Variants in CCDC102B observed in about 807,000 individuals in gnomAD.
CCDC102B encodes coiled-coil domain containing 102B.
In CCDC102B, 75 loss-of-function variants were observed where a neutral mutation model predicts 57.4. The ratio of observed to expected loss-of-function variants is 1.31; its 90% CI spans 1.08 to 1.58. The LOEUF is 1.58. Ranked by LOEUF, CCDC102B falls within the 40% of genes most tolerant of loss-of-function variation. CCDC102B has a pLI of 0.00. For missense variants in CCDC102B, 636 were observed against 582.6 expected (o/e 1.09, Z -0.94); for synonymous variants, 206 against 201.9 (o/e 1.02, Z -0.17).
At chr18:68,769,672 G>A (rs531918551) in intron 2 of CCDC102B, among the ~76,000 whole-genome samples, 1 of 152,064 alleles carries the variant, frequency 6.6e-6, no homozygotes, top group East Asian at 1.9e-4. Flanking sequence ...CAAGAAGACT[G>A]TGAGTAGTAA....
chr18:68,837,854 C>G (rs767235005), intron 2 of CCDC102B, among the ~76,000 whole-genome samples: 1 of 152,294 alleles, frequency 6.6e-6, no homozygotes, highest in Non-Finnish European at 1.5e-5. Context: ...TTTCCGTGAA[C>G]AACACATCTT....
chr18:69,052,235 A>G (rs1310547377), intron 7 of CCDC102B, among the ~76,000 whole-genome samples: 1 of 152,044 alleles, frequency 6.6e-6, no homozygotes, highest in Admixed American at 6.6e-5. Flanking sequence ...AATAAAAAAT[A>G]TAAAGAGACA....
Position 68,925,930 on chromosome 18 carries a change from A to G in CCDC102B, c.1263+28502A>G, listed in dbSNP as rs532083946. Among the ~76,000 whole-genome samples the G allele has an allele frequency of 8.5e-5, 13 of 152,054 alleles. No individual in the cohort carries two copies. The East Asian group carries it at 2.3e-3, about 27-fold the overall frequency. On this transcript the variant is annotated intron_variant, in intron 6 of 7. Transcript: ENST00000360242. Reference sequence around the variant, plus strand: ...CATTTTTTAAAGAAAACAATAAAACAACCTCTTACTTGACACTTTTGTTTT... The same window carrying G: ...CATTTTTTAAAGAAAACAATAAAACGACCTCTTACTTGACACTTTTGTTTT...
intron 6 of CCDC102B, among the ~76,000 whole-genome samples, chr18:68,996,252 T>C (rs546272765): frequency 6.6e-6 from 1 of 151,992 alleles, no homozygotes; most frequent in East Asian, 1.9e-4. Context: ...ACTGGCTGAG[T>C]CTTCTGGCCT....
intron 2 of CCDC102B, among the ~76,000 whole-genome samples, chr18:68,771,406 A>G: frequency 6.6e-6 from 1 of 152,228 alleles, no homozygotes; most frequent in East Asian, 1.9e-4. Context: ...TAAAATCATC[A>G]GGGACGTAGT....
chr18:69,024,031 A>G (rs1024533268), intron 7 of CCDC102B, among the ~76,000 whole-genome samples: 4 of 152,040 alleles, frequency 2.6e-5, no homozygotes, highest in Non-Finnish European at 5.9e-5. Context: ...AAAATAGAGG[A>G]CATTTTATTG....
At chr18:68,740,931 ATTG>A (rs1460360000) in intron 2 of CCDC102B, among the ~76,000 whole-genome samples, 1 of 152,160 alleles carries the variant, frequency 6.6e-6, no homozygotes, top group Non-Finnish European at 1.5e-5. Context: ...AGGGAAGAAA[ATTG>A]TTATTTCTTG....
At chr18:69,022,222 T>TATATAAAA (rs1395799223) in intron 7 of CCDC102B, among the ~76,000 whole-genome samples, 152 of 94,994 alleles carry the variant, frequency 1.6e-3, no homozygotes, top group South Asian at 9.4e-3. Flanking sequence ...TATATATATA[T>TATATAAAA]AACACACACA....
In CCDC102B at chr18:68,835,821, G is replaced by A. The variant is rs8086403; in HGVS notation, c.-15-928G>A. On this transcript the variant is annotated intron_variant, in intron 1 of 7. Coordinates refer to ENST00000360242, the MANE Select transcript of CCDC102B (RefSeq NM_024781.3). The stretch of plus-strand genomic sequence containing the variant: ...CTTATTCAAACACACGGAAGGCAGA[G>A]GAAAGAGAGTTCCTCATTGTGATGT... Among the ~76,000 whole-genome samples, 521 of 152,272 alleles carry A rather than the reference G, an allele frequency of 3.4e-3. 1 individual carries two copies. Among genetic ancestry groups the A allele is most frequent in the African/African-American group, 0.012 (508 of 41,544 alleles).
chr18:68,823,765 G>A (rs1448612726), intron 1 of CCDC102B, among the ~76,000 whole-genome samples: 1 of 152,056 alleles, frequency 6.6e-6, no homozygotes, highest in African/African-American at 2.4e-5. Context: ...TGTGTGAGAT[G>A]GTATCTCATT....
Position 68,838,841 on chromosome 18 carries a change from C to T in CCDC102B, c.742C>T (p.Leu248=). 2 of 1,613,924 alleles carry T rather than the reference C, an allele frequency of 1.2e-6. No homozygotes were observed. Among genetic ancestry groups the T allele is most frequent in the Non-Finnish European group, 1.7e-6 (2 of 1,179,930 alleles). The change falls in exon 3 of 8, where the codon CTG becomes TTG. Residue 248 remains leucine, a synonymous_variant. Transcript: ENST00000360242. ...KTGLRLKAIN[L]PLENEVTEIS... ...TGGGCTGAGACTGAAAGCAATAAATCTGCCTTTGGAAAATGAAGTAACTGA... is the reference window on the plus strand; with the variant it reads ...TGGGCTGAGACTGAAAGCAATAAATTTGCCTTTGGAAAATGAAGTAACTGA...
intron 7 of CCDC102B, among the ~76,000 whole-genome samples, chr18:69,047,617 C>G (rs191441840): frequency 1.3e-5 from 2 of 152,160 alleles, no homozygotes; most frequent in South Asian, 2.1e-4. Flanking sequence ...TTGCAGATGA[C>G]GTGATTCTAT....
At chr18:68,802,027 A>G (rs2035872503) in intron 1 of CCDC102B, among the ~76,000 whole-genome samples, 1 of 152,192 alleles carries the variant, frequency 6.6e-6, no homozygotes, top group African/African-American at 2.4e-5. Flanking sequence ...CATGAAAATT[A>G]TAAGGTGCTC....
At chr18:68,951,805 CAAAA>C (rs5825888) in intron 6 of CCDC102B, among the ~76,000 whole-genome samples, 6 of 130,256 alleles carry the variant, frequency 4.6e-5, no homozygotes, top group African/African-American at 1.7e-4. Context: ...GAGACCCTGT[CAAAA>C]AAAAAAAAGA....
chr18:68,734,596 C>G (rs2033043155), intron 2 of CCDC102B: 1 of 152,078 alleles, frequency 6.6e-6, no homozygotes, highest in Non-Finnish European at 1.5e-5. Flanking sequence ...TGAAGCAATG[C>G]CTGCTAATTC....
chr18:68,875,841 A>C (rs1019134005), intron 5 of CCDC102B, among the ~76,000 whole-genome samples: 3 of 152,158 alleles, frequency 2.0e-5, no homozygotes, highest in African/African-American at 4.8e-5. Context: ...CTTAACAGCT[A>C]AGCTGCTTAG....
At chr18:68,887,902 C>A (rs1411356855) in intron 5 of CCDC102B, among the ~76,000 whole-genome samples, 2 of 152,170 alleles carry the variant, frequency 1.3e-5, no homozygotes, top group African/African-American at 4.8e-5. Context: ...TATCTTGACA[C>A]CCAAGGCATA....
At chr18:68,870,906 T>G (rs9959200) in intron 4 of CCDC102B, among the ~76,000 whole-genome samples, 1 of 152,008 alleles carries the variant, frequency 6.6e-6, no homozygotes, top group Admixed American at 6.6e-5. Context: ...TTTGTAATTA[T>G]TTTTCTTTTT....
intron 2 of CCDC102B, among the ~76,000 whole-genome samples, chr18:68,786,951 A>G (rs1300469596): frequency 6.6e-6 from 1 of 152,144 alleles, no homozygotes; most frequent in East Asian, 1.9e-4. Context: ...TCAGCATGAT[A>G]TTGGCTGTGG....
Sources: gnomAD v4.1 joint callset for allele counts (sites outside exome capture counted in the v4.1 genomes callset) on GRCh38, gnomAD v4.1.1 for gene constraint, MANE v1.5 for transcripts, NCBI Gene and HGNC (gene_info 2026-07-23, HGNC 2026-07-21) for gene names.